PACS2: variants seen among roughly 807,000 people sequenced by gnomAD.
PACS2 encodes phosphofurin acidic cluster sorting protein 2.
Under a neutral mutation model 113.0 loss-of-function variants are expected in PACS2, and 36 were observed. The ratio of observed to expected loss-of-function variants is 0.32; its 90% CI spans 0.24 to 0.42. The LOEUF is 0.42. PACS2 is among the 10% of genes least tolerant of loss of function. PACS2 has a pLI of 1.00. For missense variants in PACS2, 1,015 were observed against 1,239.5 expected (o/e 0.82, Z 2.72); for synonymous variants, 589 against 536.1 (o/e 1.10, Z -1.36).
chr14:105,352,621 A>AC (rs2060229267), intron 3 of PACS2, among the ~76,000 whole-genome samples, 154 bp downstream of exon 3: 1 of 94,350 alleles, frequency 1.1e-5, no homozygotes. Flanking sequence ...GGAGACGGGC[A>AC]CGCCTCATCA....
At chr14:105,304,595 G>A (rs1482001299) in intron 1 of PACS2, among the ~76,000 whole-genome samples, 1 of 152,256 alleles carries the variant, frequency 6.6e-6, no homozygotes, top group East Asian at 1.9e-4. Flanking sequence ...CAGATGGGCT[G>A]CAGAGGAGGG....
chr14:105,314,580 T>A (rs899819188), upstream of PACS2: 1 of 144,386 alleles, frequency 6.9e-6, no homozygotes, highest in South Asian at 2.1e-4. Flanking sequence ...CGCACCTCAC[T>A]TCCGGCGCGC....
At chr14:105,331,996 C>T (rs997520400) in intron 1 of PACS2, among the ~76,000 whole-genome samples, 1 of 152,230 alleles carries the variant, frequency 6.6e-6, no homozygotes, top group African/African-American at 2.4e-5. Flanking sequence ...CTGCGATCAG[C>T]CTGCTCCTTG....
chr14:105,382,905 A>G lies in PACS2; in HGVS notation c.1617A>G (p.Ile539Met). 6.3e-7 allele frequency: 1 copy of G among 1,592,582 alleles called. No individual in the cohort carries two copies. Among genetic ancestry groups the G allele is most frequent in the Non-Finnish European group, 8.6e-7 (1 of 1,167,054 alleles). ...QAAFSTIVSR[I>M]QRYCNCNSQP... is the part of the protein sequence containing the mutation. The stretch of plus-strand genomic sequence containing the variant: ...CCTTCAGCACCATCGTCTCACGGAT[A>G]CAGAGATAGTGAGTTGGGCTCCACC... The change falls in exon 15 of 25, where the codon ATA (isoleucine) becomes ATG (methionine). Residue 539 changes from isoleucine to methionine, a missense_variant. Coordinates refer to ENST00000447393, the MANE Select transcript of PACS2 (RefSeq NM_001100913.3).
intron 4 of PACS2, among the ~76,000 whole-genome samples, chr14:105,364,630 T>G (rs1392167064): frequency 6.6e-6 from 1 of 151,332 alleles, no homozygotes; most frequent in Non-Finnish European, 1.5e-5. Context: ...TGCATGACTG[T>G]TTTTGTAAAA....
intron 6 of PACS2, 79 bp from the exon 7 acceptor site, chr14:105,368,380 C>A: frequency 8.9e-7 from 1 of 1,128,218 alleles, no homozygotes; most frequent in Non-Finnish European, 1.3e-6. Flanking sequence ...CCTCTCCCAT[C>A]GCCCACGCTG....
At chr14:105,389,940 T>TTTA in intron 19 of PACS2, 21 bp from the exon 20 acceptor site, 1 of 1,611,804 alleles carries the variant, frequency 6.2e-7, no homozygotes, top group South Asian at 1.1e-5. Context: ...AGAGCTTAAC[T>TTTA]GTCTGTTTCC....
chr14:105,304,845 G>A (rs587664342), intron 1 of PACS2, among the ~76,000 whole-genome samples: 9 of 152,314 alleles, frequency 5.9e-5, no homozygotes, highest in African/African-American at 9.6e-5. Flanking sequence ...GTCAGATCTC[G>A]TGAGACTTAT....
intron 1 of PACS2, among the ~76,000 whole-genome samples, chr14:105,345,275 C>T (rs782048212): frequency 4.0e-5 from 6 of 150,214 alleles, no homozygotes; most frequent in South Asian, 2.1e-4. Flanking sequence ...GGTGTGATGT[C>T]GGGCGCCTGT....
chr14:105,392,043 G>A, intron 22 of PACS2: 1 of 487,352 alleles, frequency 2.1e-6, no homozygotes, highest in African/African-American at 2.0e-5. Flanking sequence ...ACACAGTTGG[G>A]GCTTTTAAAA....
intron 1 of PACS2, among the ~76,000 whole-genome samples, chr14:105,335,154 C>T (rs931424088): frequency 3.3e-5 from 5 of 152,248 alleles, no homozygotes; most frequent in Non-Finnish European, 5.9e-5. Flanking sequence ...GACTGGAATG[C>T]GTGGTGTGGT....
Position 105,324,403 on chromosome 14 carries a change from G to A in PACS2, c.119+9366G>A, listed in dbSNP as rs147849263. On this transcript the variant is annotated intron_variant, in intron 1 of 24. Transcript: ENST00000447393. The surrounding 1 kb of genome is among the most constrained non-coding windows in gnomAD (Gnocchi z 4.7). ...CCAGGACCAGGGGGCAGGGTGTGGCGTGCTTATTCCTGCCTGGCCGTGGAG... is the reference window on the plus strand; with the variant it reads ...CCAGGACCAGGGGGCAGGGTGTGGCATGCTTATTCCTGCCTGGCCGTGGAG... Among the ~76,000 whole-genome samples, 812 of 152,274 alleles carry A rather than the reference G, an allele frequency of 5.3e-3. 8 individuals carry two copies. Among genetic ancestry groups the A allele is most frequent in the African/African-American group, 0.018 (759 of 41,568 alleles).
rs1331556545 is a variant in PACS2, at chr14:105,376,961, A to G, written c.959+36A>G. 1 of 1,550,794 alleles carries G rather than the reference A, an allele frequency of 6.4e-7. No homozygotes were observed. Among genetic ancestry groups the G allele is most frequent in the Admixed American group, 1.9e-5 (1 of 53,532 alleles). On this transcript the variant is annotated intron_variant, in intron 9 of 24. Coordinates refer to ENST00000447393, the MANE Select transcript of PACS2 (RefSeq NM_001100913.3). The surrounding 1 kb of genome is among the most constrained non-coding windows in gnomAD (Gnocchi z 4.7). ...CAGGGCGGGGCGGGGAGGAACAGCC[A>G]TTTCAGATGCCCCGGCCACTCTGCG...
intron 1 of PACS2, among the ~76,000 whole-genome samples, chr14:105,335,841 G>A (rs1482366902): frequency 6.6e-6 from 1 of 152,370 alleles, no homozygotes; most frequent in African/African-American, 2.4e-5. Context: ...CCGCCCGGGC[G>A]AGCCTTGGGA....
chr14:105,381,529 G>A (rs993904445), intron 12 of PACS2, among the ~76,000 whole-genome samples: 2 of 152,258 alleles, frequency 1.3e-5, no homozygotes, highest in Non-Finnish European at 2.9e-5. Context: ...CTGTGTCCGC[G>A]CTTTGGAGCC....
chr14:105,336,858 T>C (rs1328706918), intron 1 of PACS2, among the ~76,000 whole-genome samples: 2 of 152,192 alleles, frequency 1.3e-5, no homozygotes, highest in Admixed American at 6.5e-5. Context: ...TCAGAGTTAC[T>C]GTGTGAGCTA....
intron 7 of PACS2, among the ~76,000 whole-genome samples, chr14:105,369,141 C>T (rs998107423): frequency 1.2e-4 from 19 of 152,222 alleles, no homozygotes; most frequent in African/African-American, 4.3e-4. Flanking sequence ...CAGCCCAGCC[C>T]GGACACCGCC....
chr14:105,391,719 C>A lies in PACS2; in HGVS notation c.2208C>A (p.Pro736=), dbSNP rs782778045. The change falls in exon 22 of 25, where the codon CCC becomes CCA. Residue 736 remains proline (P), a synonymous_variant. Coordinates refer to ENST00000447393, the MANE Select transcript of PACS2 (RefSeq NM_001100913.3). ...CTCCTGCGGCCAAGGAGGCCTCACC[C>A]ACCCCGCCCTCCTCCCCGTCGGTGA... ...SASPAAKEAS[P]TPPSSPSVSG... The A allele has an allele frequency of 5.6e-6, 9 of 1,599,316 alleles. No individual in the cohort carries two copies. The highest frequency in any genetic ancestry group is 7.7e-6 in the Non-Finnish European group (9 of 1,173,302).
intron 8 of PACS2, chr14:105,375,120 C>G (rs2061304146): frequency 6.6e-6 from 1 of 152,274 alleles, no homozygotes; most frequent in South Asian, 2.1e-4. Context: ...TGCCACTGCG[C>G]TCTACCCTGG....
Sources: allele counts gnomAD v4.1 joint callset (sites outside exome capture counted in the v4.1 genomes callset), GRCh38; gene constraint gnomAD v4.1.1; non-coding constraint Gnocchi (gnomAD v3.1); transcripts MANE v1.5; gene names NCBI Gene and HGNC (gene_info 2026-07-23, HGNC 2026-07-21).